Variants in ST3GAL4 observed in about 807,000 individuals in gnomAD.
ST3GAL4 encodes the protein CMP-N-acetylneuraminate-beta-galactosamide-alpha-2,3-sialyltransferase 4.
Under a neutral mutation model 42.6 loss-of-function variants are expected in ST3GAL4, and 24 were observed. The observed-to-expected ratio is 0.56, with a 90% confidence interval of 0.41 to 0.79. The LOEUF (loss-of-function observed/expected upper bound fraction) is 0.79. Among genes scored for constraint, ST3GAL4 ranks in the 30% least tolerant of loss-of-function variants. The pLI is 0.00. For missense variants in ST3GAL4, 311 were observed against 430.8 expected, an observed-to-expected ratio of 0.72 and a Z score of 2.46; for synonymous variants, 135 against 163.2, an observed-to-expected ratio of 0.83 and a Z score of 1.32.
intron 1 of ST3GAL4, among the ~76,000 whole-genome samples, chr11:126,395,260 A>G (rs4505078): frequency 0.54 from 82,289 of 151,860 alleles, 22,739 homozygotes; most frequent in African/African-American, 0.66. Flanking sequence ...CACTATTGTC[A>G]ACATGGGTGA....
chr11:126,389,226 T>C (rs145205684), intron 1 of ST3GAL4, among the ~76,000 whole-genome samples: 79 of 152,340 alleles, frequency 5.2e-4, no homozygotes, highest in African/African-American at 1.9e-3. Context: ...TCACTATCTC[T>C]ATTAATATGA....
rs534269447 is a variant in ST3GAL4 at position 126,396,095 on chromosome 11, C to A, written c.-60-10001C>A. On this transcript the variant is annotated intron_variant, in intron 1 of 10. Transcript: ENST00000444328. The surrounding 1 kb of genome is among the most constrained non-coding windows in gnomAD (Gnocchi z 5.8). ...CGAGTGTTGATCGGGTGGATTCTAA[C>A]CCTGTGGGAGAACTCCCCAGCCCGT... Among the ~76,000 whole-genome samples the A allele has an allele frequency of 2.4e-4, 36 of 151,862 alleles. 1 individual carries two copies. The South Asian group carries it at 7.3e-3, about 31-fold the overall frequency.
chr11:126,413,511 A>C lies in ST3GAL4; in HGVS notation c.778A>C (p.Thr260Pro). 6.2e-7 allele frequency: 1 copy of C among 1,614,086 alleles called. No individual in the cohort carries two copies. The highest frequency in any genetic ancestry group is 8.5e-7 in the Non-Finnish European group (1 of 1,180,010). The change falls in exon 10 of 11, where the codon ACC (threonine) becomes CCC (proline). Residue 260 changes from threonine (T) to proline (P), a missense_variant. Transcript: ENST00000444328. ...QQPRKIKQKP[T>P]TGLLAITLAL... ...TCCTGCCCCTGTTCCTCAGAAGCCC[A>C]CCACGGGCCTGTTGGCCATCACGCT...
rs1453452212 is a variant in ST3GAL4, at chr11:126,359,171, C to T, written c.-61+3329C>T. 3.3e-5 allele frequency among the ~76,000 whole-genome samples: 5 copies of T among 152,156 alleles called. No individual in the cohort carries two copies. Among genetic ancestry groups the T allele is most frequent in the Admixed American group, 6.5e-5 (1 of 15,282 alleles). ...AGCGACCCTACTTGTGCTCTGCGTC[C>T]TCTGCCAACTGCAGCATGGGTGAAC... is the stretch of plus-strand genomic sequence containing the variant. On this transcript the variant is annotated intron_variant, in intron 1 of 10. Transcript: ENST00000444328. This position sits in a 1 kb window ranked among gnomAD's most constrained non-coding sequence, Gnocchi z 4.8.
At chr11:126,371,862 C>G (rs1952664171) in intron 1 of ST3GAL4, among the ~76,000 whole-genome samples, 1 of 152,226 alleles carries the variant, frequency 6.6e-6, no homozygotes, top group African/African-American at 2.4e-5. Context: ...CTCTTCTAAG[C>G]CTTTGTATCA....
chr11:126,408,192 C>G lies in ST3GAL4; in HGVS notation c.435C>G (p.Ile145Met). 6.2e-7 allele frequency: 1 copy of G among 1,614,122 alleles called. No individual in the cohort carries two copies. Among genetic ancestry groups the G allele is most frequent in the Non-Finnish European group, 8.5e-7 (1 of 1,179,992 alleles). The change falls in exon 7 of 11, where the codon ATC (isoleucine) becomes ATG (methionine). Residue 145 changes from isoleucine to methionine, a missense_variant and splice_region_variant. Ile to Met is a conservative substitution (Grantham distance 10, BLOSUM62 1). Transcript: ENST00000444328. ...CCATCAACAAGTACGATGTGGTCATCAGGTGTGTGTGACTGTCTCTTCCTA... is the reference window on the plus strand; with the variant it reads ...CCATCAACAAGTACGATGTGGTCATGAGGTGTGTGTGACTGTCTCTTCCTA... ...GDAINKYDVV[I>M]RLNNAPVAGY...
intron 1 of ST3GAL4, among the ~76,000 whole-genome samples, chr11:126,377,479 CTTTTTT>C (rs59029262): frequency 8.5e-6 from 1 of 117,640 alleles, no homozygotes; most frequent in Non-Finnish European, 1.7e-5. Flanking sequence ...CCAACACCTT[CTTTTTT>C]TTTTTTTTTT....
intron 1 of ST3GAL4, among the ~76,000 whole-genome samples, chr11:126,403,640 C>G (rs1178424723): frequency 6.6e-6 from 1 of 152,136 alleles, no homozygotes; most frequent in Admixed American, 6.5e-5. Flanking sequence ...CCTATGAATA[C>G]AAAGGAAGAT....
At position 126,413,651 on chromosome 11, in the gene ST3GAL4, A is replaced by C. The variant is rs1226146253; in HGVS notation, c.915+3A>C. 6.2e-7 allele frequency: 1 copy of C among 1,613,952 alleles called. No homozygotes were observed. The highest frequency in any genetic ancestry group is 1.3e-5 in the African/African-American group (1 of 74,950). Reference sequence around the variant, plus strand: ...AGATCACGCTCAAGTCCATGGCGGTAAGTGCCTGGCTTGTGAGCATGGTGG... The same window carrying C: ...AGATCACGCTCAAGTCCATGGCGGTCAGTGCCTGGCTTGTGAGCATGGTGG... On this transcript the variant is annotated splice_donor_region_variant and intron_variant, in intron 10 of 10. Transcript: ENST00000444328.
chr11:126,360,572 C>T (rs1952211599), intron 1 of ST3GAL4, among the ~76,000 whole-genome samples: 1 of 152,058 alleles, frequency 6.6e-6, no homozygotes, highest in African/African-American at 2.4e-5. Context: ...TACAGGCACC[C>T]GCCACCACGC....
At chr11:126,387,317 A>G (rs530977370) in intron 1 of ST3GAL4, among the ~76,000 whole-genome samples, 1 of 152,122 alleles carries the variant, frequency 6.6e-6, no homozygotes, top group African/African-American at 2.4e-5. Flanking sequence ...AGATTTCAAT[A>G]TTTTTTTTCT....
Position 126,383,715 on chromosome 11 carries a change from A to AG in ST3GAL4, c.-60-22377dup, listed in dbSNP as rs1167118401. On this transcript the variant is annotated intron_variant, in intron 1 of 10. Transcript: ENST00000444328. This position sits in a 1 kb window ranked among gnomAD's most constrained non-coding sequence, Gnocchi z 4.5. ...CTGCAGGGACCGGAGAGCTGCTGGA[A>AG]GGGGCTGTCTATGCCTTCAGGCTCT... 6.6e-6 allele frequency among the ~76,000 whole-genome samples: 1 copy of AG among 152,074 alleles called. No individual in the cohort carries two copies. The highest frequency in any genetic ancestry group is 1.5e-5 in the Non-Finnish European group (1 of 67,996).
rs1329985621 is a variant in ST3GAL4 at position 126,393,187 on chromosome 11, G to C, written c.-60-12909G>C. 1 of 152,122 alleles carries C rather than the reference G, an allele frequency of 6.6e-6. No homozygotes were observed. The highest frequency in any genetic ancestry group is 1.5e-5 in the Non-Finnish European group (1 of 68,030). 9.4% of individuals were successfully genotyped at this position (152,122 alleles called of 1,614,324 possible). Reference sequence around the variant, plus strand: ...AGTAGCAGAGACAGGGTTTAGTCTCGGTAGCCAGTGCCTAGGGCACAGGTC... The same window carrying C: ...AGTAGCAGAGACAGGGTTTAGTCTCCGTAGCCAGTGCCTAGGGCACAGGTC... On this transcript the variant is annotated intron_variant, in intron 1 of 10. Coordinates refer to ENST00000444328, the MANE Select transcript of ST3GAL4 (RefSeq NM_001254757.2). The surrounding 1 kb of genome is among the most constrained non-coding windows in gnomAD (Gnocchi z 5.9).
At chr11:126,385,396 C>T (rs1953188990) in intron 1 of ST3GAL4, among the ~76,000 whole-genome samples, 1 of 151,964 alleles carries the variant, frequency 6.6e-6, no homozygotes, top group Admixed American at 6.6e-5. Flanking sequence ...TCATGATCCT[C>T]CCACCTCGGC....
rs1056201298 is a variant in ST3GAL4 at position 126,378,367 on chromosome 11, G to T, written c.-61+22525G>T. Among the ~76,000 whole-genome samples the T allele has an allele frequency of 7.9e-5, 12 of 152,276 alleles. No homozygotes were observed. In the South Asian group the frequency reaches 1.5e-3, roughly 18 times the overall value. Reference sequence around the variant, plus strand: ...GAGTAGGAACAAAAAACATTTCTATGAATTTGATAAAATGACTGTATGCCA... The same window carrying T: ...GAGTAGGAACAAAAAACATTTCTATTAATTTGATAAAATGACTGTATGCCA... On this transcript the variant is annotated intron_variant, in intron 1 of 10. Coordinates refer to ENST00000444328, the MANE Select transcript of ST3GAL4 (RefSeq NM_001254757.2). The surrounding 1 kb of genome is among the most constrained non-coding windows in gnomAD (Gnocchi z 5.3).
Position 126,407,247 on chromosome 11 carries a change from T to C in ST3GAL4, c.183-5T>C. 6.2e-7 allele frequency: 1 copy of C among 1,614,154 alleles called. No individual in the cohort carries two copies. The highest frequency in any genetic ancestry group is 1.1e-5 in the South Asian group (1 of 91,080). The stretch of plus-strand genomic sequence containing the variant: ...CATCCCCACCCGGCTTTCACCTCTG[T>C]GCAGCTACTCCCGGGATCAGCCCAT... On this transcript the variant is annotated splice_region_variant and splice_polypyrimidine_tract_variant and intron_variant, in intron 4 of 10. Transcript: ENST00000444328.
rs1953233813 is a variant in ST3GAL4, at chr11:126,386,550, C to A, written c.-60-19546C>A. On this transcript the variant is annotated intron_variant, in intron 1 of 10. Coordinates refer to ENST00000444328, the MANE Select transcript of ST3GAL4 (RefSeq NM_001254757.2). The surrounding 1 kb of genome is among the most constrained non-coding windows in gnomAD (Gnocchi z 4.7). ...TGGCTCTCCTGGGACACAGGTTAGTCCTGTGGGTGACCTCACTTTAGAGAG... is the reference window on the plus strand; with the variant it reads ...TGGCTCTCCTGGGACACAGGTTAGTACTGTGGGTGACCTCACTTTAGAGAG... 6.6e-6 allele frequency among the ~76,000 whole-genome samples: 1 copy of A among 152,084 alleles called. No individual in the cohort carries two copies. Among genetic ancestry groups the A allele is most frequent in the Non-Finnish European group, 1.5e-5 (1 of 68,030 alleles).
Position 126,414,357 on chromosome 11 carries a change from A to G in ST3GAL4, c.*310A>G, listed in dbSNP as rs568918937. On this transcript the variant is annotated 3_prime_UTR_variant, in exon 11 of 11. Transcript: ENST00000444328. Reference sequence around the variant, plus strand: ...TGGGCTATTTAATTAAGGGGTAGGAAGGTGCTGTGGGCTGGTCCCACACAT... The same window carrying G: ...TGGGCTATTTAATTAAGGGGTAGGAGGGTGCTGTGGGCTGGTCCCACACAT... 5.0e-5 allele frequency: 20 copies of G among 398,546 alleles called. No individual in the cohort carries two copies. The South Asian group carries it at 5.5e-4, about 11-fold the overall frequency. 24.7% of individuals were successfully genotyped at this position (398,546 alleles called of 1,614,324 possible).
chr11:126,377,557 T>C (rs1016351186), intron 1 of ST3GAL4, among the ~76,000 whole-genome samples: 1 of 149,956 alleles, frequency 6.7e-6, no homozygotes, highest in African/African-American at 2.5e-5. Context: ...TGATCTTGGC[T>C]CACTGCAGCC....
Sources: gnomAD v4.1 joint callset for allele counts (sites outside exome capture counted in the v4.1 genomes callset) on GRCh38, gnomAD v4.1.1 for gene constraint, Gnocchi (gnomAD v3.1) non-coding constraint, MANE v1.5 for transcripts, NCBI Gene and HGNC (gene_info 2026-07-23, HGNC 2026-07-21) for gene names.